PRKN: variants seen among roughly 807,000 people sequenced by gnomAD.
PRKN encodes parkin RBR E3 ubiquitin protein ligase.
PRKN carries 56 observed loss-of-function variants against 59.5 expected under a neutral mutation model. The ratio of observed to expected loss-of-function variants is 0.94; its 90% CI spans 0.76 to 1.18. The LOEUF is 1.18. Among genes scored for constraint, PRKN ranks in the 50% most tolerant of loss-of-function variants. PRKN has a pLI of 0.00. For synonymous variants in PRKN, 250 were observed against 222.1 expected (o/e 1.13, Z -1.12); for missense variants, 657 against 596.4 (o/e 1.10, Z -1.06).
chr6:161,799,029 A>G (rs1237319942), intron 6 of PRKN, among the ~76,000 whole-genome samples: 1 of 152,150 alleles, frequency 6.6e-6, no homozygotes, highest in Non-Finnish European at 1.5e-5. Flanking sequence ...TGGCCCTCAG[A>G]CTGCTTTTGC....
intron 6 of PRKN, among the ~76,000 whole-genome samples, chr6:161,920,516 C>T (rs1037351669): frequency 3.3e-5 from 5 of 152,024 alleles, no homozygotes; most frequent in Non-Finnish European, 5.9e-5. Flanking sequence ...CTGGGCCGGG[C>T]GCAGTGGCTC....
chr6:161,945,761 CAG>C (rs540121886), intron 6 of PRKN, among the ~76,000 whole-genome samples: 5 of 152,170 alleles, frequency 3.3e-5, no homozygotes, highest in Non-Finnish European at 7.3e-5. Flanking sequence ...GTTCAGCTCA[CAG>C]ATCCATCTTG....
chr6:162,640,068 A>G (rs1777903225), intron 1 of PRKN, among the ~76,000 whole-genome samples: 1 of 152,002 alleles, frequency 6.6e-6, no homozygotes, highest in Non-Finnish European at 1.5e-5. Context: ...TGACTTCCAA[A>G]TTCTCTAAGG....
At chr6:162,680,410 C>A (rs968696697) in intron 1 of PRKN, among the ~76,000 whole-genome samples, 2 of 151,416 alleles carry the variant, frequency 1.3e-5, no homozygotes, top group Admixed American at 6.6e-5. Context: ...TATATGTACA[C>A]ACATACAGGT....
chr6:162,174,196 T>A (rs1783425463), intron 4 of PRKN, among the ~76,000 whole-genome samples: 1 of 152,230 alleles, frequency 6.6e-6, no homozygotes, highest in Non-Finnish European at 1.5e-5. Flanking sequence ...AGAAAGGTGA[T>A]GGGCTGTCCA....
intron 7 of PRKN, among the ~76,000 whole-genome samples, chr6:161,775,586 G>A (rs1789889838): frequency 6.6e-6 from 1 of 152,090 alleles, no homozygotes; most frequent in Non-Finnish European, 1.5e-5. Context: ...TTTTTAATAT[G>A]CGTGTTGGCC....
intron 1 of PRKN, among the ~76,000 whole-genome samples, chr6:162,534,466 A>T (rs1247443240): frequency 6.6e-6 from 1 of 152,104 alleles, no homozygotes. Flanking sequence ...GTGCTTTGCA[A>T]TGTAATCACT....
In PRKN at chr6:161,447,729, A is replaced by C. The variant is rs1396803312; in HGVS notation, c.1084-60852T>G. Among the ~76,000 whole-genome samples, 2 of 152,132 alleles carry C rather than the reference A, an allele frequency of 1.3e-5. No homozygotes were observed. Among genetic ancestry groups the C allele is most frequent in the African/African-American group, 4.8e-5 (2 of 41,422 alleles). On this transcript the variant is annotated intron_variant, in intron 9 of 11. Transcript: ENST00000366898. This position sits in a 1 kb window ranked among gnomAD's most constrained non-coding sequence, Gnocchi z 4.1. ...AGGATGGTCTCGATCTCCTGACCTC[A>C]TGATCAGCCCGCCTCGGCCTCCCAA...
rs1219038511 is a variant in PRKN at position 162,282,014 on chromosome 6, A to T, written c.172-19249T>A. 2.0e-5 allele frequency among the ~76,000 whole-genome samples: 3 copies of T among 152,096 alleles called. 1 individual carries two copies. ...ACAATAGGGTTTGCACTCCTATGAGAATCTACTGCCACTGCTGATCAGACA... is the reference window on the plus strand; with the variant it reads ...ACAATAGGGTTTGCACTCCTATGAGTATCTACTGCCACTGCTGATCAGACA... On this transcript the variant is annotated intron_variant, in intron 2 of 11. Transcript: ENST00000366898.
At chr6:162,724,856 G>C (rs1341826950) in intron 1 of PRKN, among the ~76,000 whole-genome samples, 1 of 152,206 alleles carries the variant, frequency 6.6e-6, no homozygotes, top group East Asian at 1.9e-4. Context: ...GTCATAAAAA[G>C]CCTGAGTAGG....
chr6:162,354,663 C>G (rs1784769177), intron 2 of PRKN, among the ~76,000 whole-genome samples: 1 of 151,970 alleles, frequency 6.6e-6, no homozygotes, highest in Admixed American at 6.6e-5. Flanking sequence ...ACATTTATTA[C>G]ATAATTTAAC....
intron 4 of PRKN, among the ~76,000 whole-genome samples, chr6:162,057,808 T>A (rs942070219): frequency 2.6e-5 from 4 of 152,246 alleles, no homozygotes; most frequent in African/African-American, 9.6e-5. Flanking sequence ...ATGGCATAGA[T>A]TCACTGGGAC....
intron 6 of PRKN, among the ~76,000 whole-genome samples, chr6:161,926,214 G>C (rs1168120794): frequency 6.6e-6 from 1 of 152,190 alleles, no homozygotes. Context: ...GTCGGTGAGG[G>C]AGACATGCTA....
At chr6:162,262,871 T>C (rs192412888) in intron 2 of PRKN, 106 bp from the exon 3 acceptor site, 34 of 1,469,396 alleles carry the variant, frequency 2.3e-5, no homozygotes, top group Non-Finnish European at 3.0e-5. Context: ...GAAGCAAAAG[T>C]GACATGTAAC....
chr6:162,374,751 A>G (rs1027148215), intron 2 of PRKN, among the ~76,000 whole-genome samples: 1 of 152,066 alleles, frequency 6.6e-6, no homozygotes. Flanking sequence ...AGATGTCTGT[A>G]TGTAAACATT....
intron 6 of PRKN, among the ~76,000 whole-genome samples, chr6:161,895,631 TCCCC>T (rs2128233364): frequency 1.9e-5 from 1 of 52,330 alleles, no homozygotes; most frequent in East Asian, 8.3e-4. Flanking sequence ...GCTGTTATGC[TCCCC>T]AGTGAGGCTT....
At chr6:161,505,419 A>G (rs1345815708) in intron 9 of PRKN, among the ~76,000 whole-genome samples, 1 of 150,806 alleles carries the variant, frequency 6.6e-6, no homozygotes, top group Non-Finnish European at 1.5e-5. Context: ...TAGATTCTGG[A>G]TATTAGCCCT....
At chr6:162,041,043 AGCATGATGGTATGC>A (rs1292017106) in intron 5 of PRKN, among the ~76,000 whole-genome samples, 1 of 151,746 alleles carries the variant, frequency 6.6e-6, no homozygotes, top group Admixed American at 6.6e-5. Flanking sequence ...AAATTAACCC[AGCATGATGGTATGC>A]GCCTGTAGTC....
chr6:161,408,317 TAAAAAA>T (rs35131999), intron 9 of PRKN, among the ~76,000 whole-genome samples: 3 of 99,536 alleles, frequency 3.0e-5, no homozygotes, highest in African/African-American at 6.9e-5. Context: ...GAAAAACTGG[TAAAAAA>T]AAAAAAAAAA....
Sources: allele counts gnomAD v4.1 joint callset (sites outside exome capture counted in the v4.1 genomes callset), GRCh38; gene constraint gnomAD v4.1.1; non-coding constraint Gnocchi (gnomAD v3.1); transcripts MANE v1.5; gene names NCBI Gene and HGNC (gene_info 2026-07-23, HGNC 2026-07-21).